NTRK1: variants seen among roughly 807,000 people sequenced by gnomAD.
NTRK1 encodes neurotrophic receptor tyrosine kinase 1.
Under a neutral mutation model 86.8 loss-of-function variants are expected in NTRK1, and 62 were observed. The ratio of observed to expected loss-of-function variants is 0.71; its 90% CI spans 0.58 to 0.88. The LOEUF (loss-of-function observed/expected upper bound fraction) is 0.88. Ranked by LOEUF, NTRK1 falls within the 40% of genes least tolerant of loss-of-function variation. NTRK1 has a pLI of 0.00. For missense variants in NTRK1, 967 were observed against 1,078.4 expected, an observed-to-expected ratio of 0.90 and a Z score of 1.45; for synonymous variants, 469 against 456.6, an observed-to-expected ratio of 1.03 and a Z score of -0.35.
intron 1 of NTRK1, chr1:156,840,612 G>T: frequency 1.9e-6 from 1 of 534,390 alleles, no homozygotes; most frequent in Non-Finnish European, 3.4e-6. Flanking sequence ...CTGAGGGCAG[G>T]ACATCTCTCC....
At chr1:156,874,305 G>T (rs1394107128) in intron 8 of NTRK1, 78 bp from the exon 9 acceptor site, 2 of 1,600,912 alleles carry the variant, frequency 1.2e-6, no homozygotes, top group Admixed American at 3.3e-5. Flanking sequence ...AGTAGGCAGG[G>T]GACTCACTGC....
Position 156,873,722 on chromosome 1 carries a change from C to G in NTRK1, c.940C>G (p.Arg314Gly), listed in dbSNP as rs137994522. The G allele has an allele frequency of 1.2e-6, 2 of 1,612,548 alleles. No homozygotes were observed. Among genetic ancestry groups the G allele is most frequent in the African/African-American group, 1.3e-5 (1 of 74,888 alleles). ...SVDGQPAPSL[R>G]WLFNGSVLNE... ...GGATGGGCAGCCGGCACCGTCTCTG[C>G]GCTGGCTCTTCAATGGCTCCGTGCT... Residue 314 changes from arginine to glycine, a missense_variant, in exon 8 of 17, where the codon CGC (arginine) becomes GGC (glycine). Transcript: ENST00000524377.
chr1:156,842,219 C>A (rs2102853766), intron 2 of NTRK1: 1 of 1,614,068 alleles, frequency 6.2e-7, no homozygotes, highest in East Asian at 2.2e-5. Context: ...TGCAATCTCA[C>A]CAGCCATTTG....
chr1:156,880,272 G>A lies in NTRK1; in HGVS notation c.2205+115G>A, dbSNP rs1034062759. ...CCCCTCTGCCACAGCCTGTTGGGGG[G>A]CCCTTTCCAGCGCCGTGCCCACACT... On this transcript the variant is annotated intron_variant, in intron 16 of 16. Transcript: ENST00000524377. 9 of 1,109,244 alleles carry A rather than the reference G, an allele frequency of 8.1e-6. No individual in the cohort carries two copies. In the Admixed American group the frequency reaches 1.1e-4, roughly 14 times the overall value. 68.7% of individuals were successfully genotyped at this position (1,109,244 alleles called of 1,614,324 possible). A position where few individuals can be genotyped will look rare whatever the true frequency, so the allele number is the denominator to read the frequency against.
intron 6 of NTRK1, among the ~76,000 whole-genome samples, chr1:156,869,016 CTCCCTTCCTTCCTTCCT>C (rs1277352118): frequency 0.087 from 10,670 of 122,440 alleles, 1,053 homozygotes; most frequent in Middle Eastern, 0.11. Context: ...ACTTTTCTCT[CTCCCTTCCTTCCTTCCT>C]TCCTTCCTTC....
At chr1:156,819,606 G>A (rs981966518) in intron 1 of NTRK1, among the ~76,000 whole-genome samples, 3 of 151,384 alleles carry the variant, frequency 2.0e-5, no homozygotes, top group Non-Finnish European at 2.9e-5. Context: ...CTGCACCTCC[G>A]CCTCTCAGGT....
intron 1 of NTRK1, among the ~76,000 whole-genome samples, chr1:156,821,629 A>G (rs1020464029): frequency 2.6e-5 from 4 of 152,210 alleles, no homozygotes; most frequent in Non-Finnish European, 5.9e-5. Flanking sequence ...GGAGAAGTGC[A>G]GCAAAAAACA....
intron 2 of NTRK1, chr1:156,842,990 T>C (rs1654855647): frequency 3.1e-6 from 5 of 1,595,944 alleles, no homozygotes; most frequent in Non-Finnish European, 4.3e-6. Context: ...ACAATGCCCT[T>C]GGCTCTCCCT....
chr1:156,872,293 A>G (rs1242580540), intron 7 of NTRK1, among the ~76,000 whole-genome samples: 1 of 152,128 alleles, frequency 6.6e-6, no homozygotes, highest in Non-Finnish European at 1.5e-5. Flanking sequence ...CCCACCACCC[A>G]ACACCTCTCC....
intron 6 of NTRK1, among the ~76,000 whole-genome samples, chr1:156,869,032 C>CTTCT (rs1175220781): frequency 9.5e-6 from 1 of 105,032 alleles, no homozygotes; most frequent in Admixed American, 8.8e-5. Flanking sequence ...TCCTTCCTTC[C>CTTCT]TTCCTTCCTT....
chr1:156,840,592 G>T (rs1345095233), intron 1 of NTRK1: 7 of 487,952 alleles, frequency 1.4e-5, no homozygotes, highest in Non-Finnish European at 2.2e-5. Flanking sequence ...TCTGAGTGGG[G>T]TCCCTACCTC....
At chr1:156,838,149 G>A (rs1041071599) in intron 1 of NTRK1, among the ~76,000 whole-genome samples, 2 of 151,812 alleles carry the variant, frequency 1.3e-5, no homozygotes. Flanking sequence ...CCTCCCCCAG[G>A]CCTCTGGGCC....
At chr1:156,874,314 G>T (rs1571696794) in intron 8 of NTRK1, 69 bp from the exon 9 acceptor site, 1 of 1,610,914 alleles carries the variant, frequency 6.2e-7, no homozygotes, top group Non-Finnish European at 8.5e-7. Flanking sequence ...GGGACTCACT[G>T]CTTTCCTCCT....
At chr1:156,849,265 GGT>G in intron 2 of NTRK1, 1 of 1,613,940 alleles carries the variant, frequency 6.2e-7, no homozygotes, top group Non-Finnish European at 8.5e-7. Context: ...GGTCTCCGTT[GGT>G]GCGGGGGTTG....
intron 1 of NTRK1, among the ~76,000 whole-genome samples, chr1:156,834,392 A>G (rs973085557): frequency 6.6e-6 from 1 of 152,234 alleles, no homozygotes; most frequent in Non-Finnish European, 1.5e-5. Flanking sequence ...GGTTGCAGCT[A>G]GAAGTAGAAG....
chr1:156,861,676 C>T lies in NTRK1; in HGVS notation c.212+530C>T, dbSNP rs902650383. On this transcript the variant is annotated intron_variant, in intron 1 of 16. Coordinates refer to ENST00000524377, the MANE Select transcript of NTRK1 (RefSeq NM_002529.4). The stretch of plus-strand genomic sequence containing the variant: ...TGAGGAGCTGAGTGGTTGAGCTCTC[C>T]TCTTTCCATTTTTACCATTCCTTCC... 5.9e-5 allele frequency among the ~76,000 whole-genome samples: 9 copies of T among 152,172 alleles called. 1 individual carries two copies. The highest frequency in any genetic ancestry group is 1.2e-4 in the Non-Finnish European group (8 of 68,036).
At chr1:156,879,966 C>A (rs1558108605) in intron 15 of NTRK1, 33 bp from the exon 16 acceptor site, 1 of 1,610,612 alleles carries the variant, frequency 6.2e-7, no homozygotes, top group East Asian at 2.2e-5. Context: ...TCCCAGGCGC[C>A]CCTGGAATTG....
At chr1:156,862,953 G>A (rs1655745224) in intron 1 of NTRK1, among the ~76,000 whole-genome samples, 1 of 152,120 alleles carries the variant, frequency 6.6e-6, no homozygotes, top group African/African-American at 2.4e-5. Flanking sequence ...AGGGAGGAAA[G>A]GAGGAAGGGA....
At chr1:156,822,631 C>G (rs1387873769) in intron 1 of NTRK1, among the ~76,000 whole-genome samples, 1 of 142,086 alleles carries the variant, frequency 7.0e-6, no homozygotes, top group Non-Finnish European at 1.5e-5. Context: ...AAAAAAAAAG[C>G]TATAGCCTTC....
Sources: allele counts gnomAD v4.1 joint callset (sites outside exome capture counted in the v4.1 genomes callset), GRCh38; gene constraint gnomAD v4.1.1; transcripts MANE v1.5; gene names NCBI Gene and HGNC (gene_info 2026-07-23, HGNC 2026-07-21).